Variants in UNC13A observed in about 807,000 individuals in gnomAD.
The protein encoded by UNC13A is protein unc-13 homolog A.
A neutral mutation model predicts 219.7 loss-of-function variants in UNC13A; 61 were observed. The observed-to-expected ratio is 0.28, with a 90% CI of 0.23 to 0.34. The LOEUF (loss-of-function observed/expected upper bound fraction) is 0.34. Among genes scored for constraint, UNC13A ranks in the 10% least tolerant of loss-of-function variants. UNC13A has a pLI of 1.00. For synonymous variants in UNC13A, 920 were observed against 884.6 expected (o/e 1.04, Z -0.71); for missense variants, 1,476 against 2,270.3 (o/e 0.65, Z 7.11).
chr19:17,628,285 A>C, intron 31 of UNC13A: 1 of 312,808 alleles, frequency 3.2e-6, no homozygotes. Flanking sequence ...TTCATTTGCA[A>C]CAGCCAGACA....
intron 12 of UNC13A, 46 bp downstream of exon 12, chr19:17,652,585 T>G (rs1164629383): frequency 6.2e-7 from 1 of 1,613,124 alleles, no homozygotes; most frequent in Admixed American, 1.7e-5. Context: ...AGCCTTGGAC[T>G]TGGGGTTCAA....
In UNC13A at chr19:17,617,841, G is replaced by T; in HGVS notation, c.4419C>A (p.Phe1473Leu). 1 of 1,613,870 alleles carries T rather than the reference G, an allele frequency of 6.2e-7. No individual in the cohort carries two copies. Among genetic ancestry groups the T allele is most frequent in the Non-Finnish European group, 8.5e-7 (1 of 1,179,824 alleles). Residue 1473 changes from phenylalanine (F) to leucine (L), a missense_variant, in exon 41 of 44, where the codon TTC becomes TTA. Physicochemically the swap from Phe to Leu is conservative, Grantham distance 22 (BLOSUM62 0). Around this residue, in one of 14 missense-constraint regions of UNC13A, gnomAD observed 6 missense variants for 27.9 expected, o/e 0.21. Coordinates refer to ENST00000519716, the MANE Select transcript of UNC13A (RefSeq NM_001080421.3). ...TCTTGAGGCCCACGCCACCCGCGTGGAAATATTGCTGGGGAGGACAGGGTG... is the reference window on the plus strand; with the variant it reads ...TCTTGAGGCCCACGCCACCCGCGTGTAAATATTGCTGGGGAGGACAGGGTG... ...ELALDTIKQY[F>L]HAGGVGLKKT...
At chr19:17,628,110 C>A (rs1056568454) in intron 31 of UNC13A, 170 bp from the exon 32 acceptor site, 2 of 628,372 alleles carry the variant, frequency 3.2e-6, no homozygotes, top group African/African-American at 1.9e-5. Context: ...GGTTCCTGGG[C>A]GTGTTGTTGG....
intron 1 of UNC13A, among the ~76,000 whole-genome samples, chr19:17,681,299 C>T (rs2080014092): frequency 6.6e-6 from 1 of 151,922 alleles, no homozygotes; most frequent in Admixed American, 6.6e-5. Context: ...ATCCAGCCGT[C>T]TAGGGCTTCT....
At chr19:17,630,614 T>C in intron 29 of UNC13A, 40 bp downstream of exon 29, 1 of 1,606,136 alleles carries the variant, frequency 6.2e-7, no homozygotes, top group Non-Finnish European at 8.5e-7. Flanking sequence ...TTGACCCCAG[T>C]GGGAAGATTA....
chr19:17,620,772 A>G, intron 37 of UNC13A, 50 bp from the exon 38 acceptor site: 1 of 1,603,336 alleles, frequency 6.2e-7, no homozygotes, highest in South Asian at 1.1e-5. Flanking sequence ...TGTTGGGAGG[A>G]TACTCAGTGG....
chr19:17,658,198 G>T lies in UNC13A; in HGVS notation c.631C>A (p.Pro211Thr). The T allele has an allele frequency of 1.2e-6, 2 of 1,613,938 alleles. No homozygotes were observed. Among genetic ancestry groups the T allele is most frequent in the African/African-American group, 1.3e-5 (1 of 75,022 alleles). Residue 211 changes from proline to threonine, a missense_variant, in exon 9 of 44, where the codon CCG (proline) becomes ACG (threonine). By Grantham distance (38) the Pro-to-Thr change is conservative. Coordinates refer to ENST00000519716, the MANE Select transcript of UNC13A (RefSeq NM_001080421.3). ...YRSETSNSIP[P>T]PYYTTSQPNA... ...GGTTGTGACGTAGTATAATAGGGCG[G>T]CGGGATGCTGTTGCTCGTTTCACTG...
At position 17,627,850 on chromosome 19, in the gene UNC13A, G is replaced by A. The variant is rs777475296; in HGVS notation, c.3831+13C>T. Reference sequence around the variant, plus strand: ...CCCATCCCTTCTCCAGCCCTGCCTCGGCCCTGCCTCACCTCCTTTCCTCCC... The same window carrying A: ...CCCATCCCTTCTCCAGCCCTGCCTCAGCCCTGCCTCACCTCCTTTCCTCCC... On this transcript the variant is annotated intron_variant, in intron 32 of 43. Coordinates refer to ENST00000519716, the MANE Select transcript of UNC13A (RefSeq NM_001080421.3). This position sits in a 1 kb window ranked among gnomAD's most constrained non-coding sequence, Gnocchi z 4.7. 5.0e-6 allele frequency: 8 copies of A among 1,592,338 alleles called. No homozygotes were observed. Among genetic ancestry groups the A allele is most frequent in the South Asian group, 2.2e-5 (2 of 89,100 alleles).
At chr19:17,659,459 T>G (rs80293169) in intron 8 of UNC13A, among the ~76,000 whole-genome samples, 1 of 149,690 alleles carries the variant, frequency 6.7e-6, no homozygotes, top group African/African-American at 2.5e-5. Context: ...TAAAATAAAA[T>G]AAAAGTAAAG....
chr19:17,682,581 T>G (rs1335594393), intron 1 of UNC13A, among the ~76,000 whole-genome samples: 18 of 152,118 alleles, frequency 1.2e-4, no homozygotes, highest in Admixed American at 9.2e-4. Context: ...AAGATGCAAC[T>G]CTGGAGGGCA....
chr19:17,627,967 C>G lies in UNC13A; in HGVS notation c.3754-27G>C. ...TGTGGGTGGGAACAGAGAGGGGAGT[C>G]AAGCCTCAGGACCTCTCCCCAGAGC... On this transcript the variant is annotated intron_variant, in intron 31 of 43. Coordinates refer to ENST00000519716, the MANE Select transcript of UNC13A (RefSeq NM_001080421.3). The surrounding 1 kb of genome is among the most constrained non-coding windows in gnomAD (Gnocchi z 4.7). 6.4e-7 allele frequency: 1 copy of G among 1,569,706 alleles called. No homozygotes were observed.
chr19:17,625,291 C>T (rs571332853), intron 34 of UNC13A, among the ~76,000 whole-genome samples: 3 of 152,048 alleles, frequency 2.0e-5, no homozygotes, highest in Admixed American at 6.5e-5. Context: ...GGGGATGAAC[C>T]GAAACAGGAA....
chr19:17,612,564 T>C (rs2144929172), intron 41 of UNC13A, among the ~76,000 whole-genome samples: 1 of 152,232 alleles, frequency 6.6e-6, no homozygotes, highest in East Asian at 1.9e-4. Flanking sequence ...TCAGATCATG[T>C]CGGCAGGGCG....
In UNC13A at chr19:17,601,776, G is replaced by T. The variant is rs1405412587; in HGVS notation, c.*4278C>A. On this transcript the variant is annotated 3_prime_UTR_variant, in exon 44 of 44. Transcript: ENST00000519716. ...TGGCTGGACGGGGGTAAGGGGTGGG[G>T]TGTTACTTGACACAGTCAACTTGAT... 1.3e-5 allele frequency: 2 copies of T among 152,564 alleles called. No individual in the cohort carries two copies. The highest frequency in any genetic ancestry group is 6.6e-5 in the Admixed American group (1 of 15,266). 9.5% of individuals were successfully genotyped at this position (152,564 alleles called of 1,614,324 possible).
rs2079309656 is a variant in UNC13A at position 17,649,710 on chromosome 19, A to T, written c.1440-123T>A. 3.9e-6 allele frequency: 4 copies of T among 1,031,330 alleles called. No homozygotes were observed. In the South Asian group the frequency reaches 5.5e-5, roughly 14 times the overall value. 63.9% of individuals were successfully genotyped at this position (1,031,330 alleles called of 1,614,324 possible). ...GAATTGGGTCCCTCAAAAAAAAGAT[A>T]CGCTGATGCCCTAACCCCCACTACC... On this transcript the variant is annotated intron_variant, in intron 12 of 43. Coordinates refer to ENST00000519716, the MANE Select transcript of UNC13A (RefSeq NM_001080421.3). The surrounding 1 kb of genome is among the most constrained non-coding windows in gnomAD (Gnocchi z 4.4).
chr19:17,663,296 C>A (rs1158914571), intron 8 of UNC13A, among the ~76,000 whole-genome samples: 1 of 151,126 alleles, frequency 6.6e-6, no homozygotes, highest in East Asian at 1.9e-4. Flanking sequence ...GCTAACCCCC[C>A]CCACCCCACC....
At chr19:17,646,645 C>T (rs1052572931) in intron 17 of UNC13A, among the ~76,000 whole-genome samples, 1 of 151,994 alleles carries the variant, frequency 6.6e-6, no homozygotes, top group African/African-American at 2.4e-5. Flanking sequence ...GAACCCATTG[C>T]CCCCCGAGAT....
intron 15 of UNC13A, 85 bp downstream of exon 15, chr19:17,648,827 C>A: frequency 6.6e-7 from 1 of 1,520,586 alleles, no homozygotes; most frequent in Non-Finnish European, 8.9e-7. Context: ...TTCCTCTTCC[C>A]GGGGACCCAC....
Position 17,684,903 on chromosome 19 carries a change from AAC to A in UNC13A, c.22+3273_22+3274del, listed in dbSNP as rs750670808. Among the ~76,000 whole-genome samples, 13 of 152,328 alleles carry A rather than the reference AAC, an allele frequency of 8.5e-5. No homozygotes were observed. The East Asian group carries it at 1.3e-3, about 16-fold the overall frequency. On this transcript the variant is annotated intron_variant, in intron 1 of 43. Transcript: ENST00000519716. ...CTTGTGGGTGATATGTTAGGTGGAA[AAC>A]ACACATATTGATGTTTGCATGTGTA...
Sources: gnomAD v4.1 joint callset for allele counts (sites outside exome capture counted in the v4.1 genomes callset) on GRCh38, gnomAD v4.1.1 for gene constraint, gnomAD v4.1.1 regional missense constraint, Gnocchi (gnomAD v3.1) non-coding constraint, MANE v1.5 for transcripts, NCBI Gene and HGNC (gene_info 2026-07-23, HGNC 2026-07-21) for gene names.